The following SLC15A5 variants were observed in gnomAD, a reference collection of about 807,000 sequenced individuals.
SLC15A5 encodes Peptide/histidine transporter ENSP00000340402.
SLC15A5 carries 58 observed loss-of-function variants against 56.1 expected under a neutral mutation model. That is an observed-to-expected ratio of 1.03 (90% CI 0.84 to 1.29). The LOEUF (loss-of-function observed/expected upper bound fraction) is 1.29, where lower values mean the gene tolerates loss of function less well. Among genes scored for constraint, SLC15A5 ranks in the 50% most tolerant of loss-of-function variants. SLC15A5 has a pLI of 0.00. For missense variants in SLC15A5, 681 were observed against 672.1 expected, an observed-to-expected ratio of 1.01 and a Z score of -0.15; for synonymous variants, 264 against 250.5, an observed-to-expected ratio of 1.05 and a Z score of -0.51.
At chr12:16,194,302 T>G in intron 8 of SLC15A5, 43 bp downstream of exon 8, 1 of 1,317,618 alleles carries the variant, frequency 7.6e-7, no homozygotes. Context: ...GACCAATATT[T>G]CATGGACTCA....
chr12:16,198,933 A>G (rs969081063), intron 7 of SLC15A5, among the ~76,000 whole-genome samples: 2 of 152,066 alleles, frequency 1.3e-5, no homozygotes, highest in Non-Finnish European at 2.9e-5. Context: ...CACAGGCCCC[A>G]AAGGTCTAAC....
intron 7 of SLC15A5, among the ~76,000 whole-genome samples, chr12:16,202,282 G>C (rs927899430): frequency 6.6e-6 from 1 of 152,028 alleles, no homozygotes; most frequent in Non-Finnish European, 1.5e-5. Context: ...TCGAAAATTG[G>C]GCAAATGACC....
chr12:16,253,152 A>G (rs1041853628), intron 3 of SLC15A5, among the ~76,000 whole-genome samples: 5 of 152,114 alleles, frequency 3.3e-5, no homozygotes, highest in African/African-American at 1.2e-4. Flanking sequence ...AAATAAATTA[A>G]AGACCTAAAA....
chr12:16,264,209 A>G (rs147268680), intron 2 of SLC15A5, among the ~76,000 whole-genome samples: 1 of 152,160 alleles, frequency 6.6e-6, no homozygotes, highest in African/African-American at 2.4e-5. Flanking sequence ...ATGGGAACCC[A>G]CCTCTTGCAT....
intron 2 of SLC15A5, among the ~76,000 whole-genome samples, chr12:16,260,549 G>A (rs1037153385): frequency 6.6e-6 from 1 of 151,002 alleles, no homozygotes; most frequent in Non-Finnish European, 1.5e-5. Flanking sequence ...CATATATTTT[G>A]GATGCATGTC....
At chr12:16,267,949 T>A (rs1351879123) in intron 2 of SLC15A5, among the ~76,000 whole-genome samples, 3 of 112,438 alleles carry the variant, frequency 2.7e-5, no homozygotes, top group Non-Finnish European at 5.6e-5. Context: ...TTACTCAGGC[T>A]TGTCTCGAAC....
intron 3 of SLC15A5, among the ~76,000 whole-genome samples, chr12:16,256,079 C>G (rs918800058): frequency 7.9e-5 from 12 of 152,066 alleles, no homozygotes; most frequent in African/African-American, 1.2e-4. Context: ...AGCATAAATT[C>G]ATAATCATAG....
chr12:16,213,647 T>C (rs1357699852), intron 7 of SLC15A5, among the ~76,000 whole-genome samples: 1 of 152,228 alleles, frequency 6.6e-6, no homozygotes, highest in East Asian at 1.9e-4. Context: ...TTGTGATTTA[T>C]TGGGATTATA....
At chr12:16,220,136 A>G (rs571407414) in intron 6 of SLC15A5, among the ~76,000 whole-genome samples, 2 of 152,372 alleles carry the variant, frequency 1.3e-5, no homozygotes, top group South Asian at 4.1e-4. Flanking sequence ...GAAGTACCAC[A>G]GTCCCAGAAA....
intron 6 of SLC15A5, among the ~76,000 whole-genome samples, chr12:16,220,940 C>G (rs1864182039): frequency 6.6e-6 from 1 of 151,974 alleles, no homozygotes; most frequent in South Asian, 2.1e-4. Context: ...GTGTACGCTG[C>G]TACAATTAAA....
intron 8 of SLC15A5, among the ~76,000 whole-genome samples, chr12:16,191,196 A>G (rs990831065): frequency 6.6e-6 from 1 of 152,056 alleles, no homozygotes; most frequent in African/African-American, 2.4e-5. Flanking sequence ...CCTTATATTT[A>G]TGGATAATTC....
chr12:16,210,549 AGC>A (rs1367300979), intron 7 of SLC15A5, among the ~76,000 whole-genome samples: 1 of 152,210 alleles, frequency 6.6e-6, no homozygotes, highest in Admixed American at 6.5e-5. Flanking sequence ...ACCTACATTT[AGC>A]TGGTGATTTT....
intron 7 of SLC15A5, among the ~76,000 whole-genome samples, chr12:16,197,280 T>C (rs569863666): frequency 6.6e-6 from 1 of 152,244 alleles, no homozygotes; most frequent in South Asian, 2.1e-4. Context: ...CTGATTTACA[T>C]GGTAAAGAGA....
intron 3 of SLC15A5, among the ~76,000 whole-genome samples, chr12:16,255,763 T>TA (rs1383658371): frequency 6.6e-6 from 1 of 151,580 alleles, no homozygotes; most frequent in African/African-American, 2.4e-5. Context: ...TATACAATTA[T>TA]AAAATGATCC....
chr12:16,198,821 A>G (rs1186911482), intron 7 of SLC15A5, among the ~76,000 whole-genome samples: 3 of 152,080 alleles, frequency 2.0e-5, no homozygotes, highest in African/African-American at 7.2e-5. Flanking sequence ...AACTACACAA[A>G]TTTGCTAATA....
intron 5 of SLC15A5, among the ~76,000 whole-genome samples, chr12:16,238,686 G>A (rs1864378040): frequency 6.6e-6 from 1 of 150,938 alleles, no homozygotes; most frequent in East Asian, 1.9e-4. Context: ...TCTTCTATAT[G>A]CCTGACCTTG....
chr12:16,231,360 ATG>A (rs946196473), intron 5 of SLC15A5, among the ~76,000 whole-genome samples: 6 of 152,220 alleles, frequency 3.9e-5, no homozygotes, highest in African/African-American at 1.4e-4. Context: ...AGAGAAAACA[ATG>A]GTGGACAAAA....
chr12:16,195,215 G>A (rs1317613750), intron 7 of SLC15A5, among the ~76,000 whole-genome samples: 1 of 151,812 alleles, frequency 6.6e-6, no homozygotes, highest in Non-Finnish European at 1.5e-5. Context: ...CTCTGTCTCT[G>A]CCTCTGTCTC....
At chr12:16,200,380 T>C (rs1232047666) in intron 7 of SLC15A5, among the ~76,000 whole-genome samples, 1 of 151,798 alleles carries the variant, frequency 6.6e-6, no homozygotes, top group Non-Finnish European at 1.5e-5. Flanking sequence ...CCTTAAGTAA[T>C]GAAATCATAA....
Sources: gnomAD v4.1 joint callset for allele counts (sites outside exome capture counted in the v4.1 genomes callset) on GRCh38, gnomAD v4.1.1 for gene constraint, MANE v1.5 for transcripts, NCBI Gene and HGNC (gene_info 2026-07-23, HGNC 2026-07-21) for gene names.